Variants in PLCB1 observed in about 807,000 individuals in gnomAD.
PLCB1 encodes 1-phosphatidylinositol 4,5-bisphosphate phosphodiesterase beta-1.
Under a neutral mutation model 161.8 loss-of-function variants are expected in PLCB1, and 46 were observed. That is an observed-to-expected ratio of 0.28 (90% CI 0.22 to 0.36). The LOEUF (loss-of-function observed/expected upper bound fraction) is 0.36, where lower values mean the gene tolerates loss of function less well. Ranked by LOEUF, PLCB1 falls within the 10% of genes least tolerant of loss-of-function variation. The pLI, the probability that PLCB1 is intolerant of heterozygous loss-of-function variation, is 1.00. For synonymous variants in PLCB1, 517 were observed against 503.7 expected, an observed-to-expected ratio of 1.03 and a Z score of -0.35; for missense variants, 1,016 against 1,472.5, an observed-to-expected ratio of 0.69 and a Z score of 5.07.
chr20:8,630,090 T>G (rs532089727), intron 4 of PLCB1, among the ~76,000 whole-genome samples: 3 of 149,308 alleles, frequency 2.0e-5, no homozygotes, highest in African/African-American at 4.9e-5. Flanking sequence ...TTCTTGTTTT[T>G]TTTTTTGATG....
chr20:8,642,743 G>T (rs1195063301), intron 4 of PLCB1, among the ~76,000 whole-genome samples: 1 of 152,186 alleles, frequency 6.6e-6, no homozygotes, highest in Non-Finnish European at 1.5e-5. Flanking sequence ...TTAGGGCAAT[G>T]AAACTACTCT....
chr20:8,709,038 G>T (rs1309806842), intron 12 of PLCB1, among the ~76,000 whole-genome samples: 1 of 152,140 alleles, frequency 6.6e-6, no homozygotes, highest in Non-Finnish European at 1.5e-5. Context: ...CACAATACAT[G>T]TCTCTGTTAT....
At chr20:8,866,613 A>G (rs1987437381) in intron 31 of PLCB1, among the ~76,000 whole-genome samples, 1 of 152,220 alleles carries the variant, frequency 6.6e-6, no homozygotes, top group South Asian at 2.1e-4. Flanking sequence ...TAGTAGAACT[A>G]GTTAGTAGAA....
intron 31 of PLCB1, among the ~76,000 whole-genome samples, chr20:8,842,516 T>C (rs1424780895): frequency 2.0e-5 from 3 of 152,160 alleles, no homozygotes; most frequent in African/African-American, 4.8e-5. Flanking sequence ...ATAGACTTGA[T>C]AGTGTAGCAG....
intron 3 of PLCB1, among the ~76,000 whole-genome samples, chr20:8,523,468 C>CTT (rs1984435867): frequency 2.5e-4 from 14 of 55,358 alleles, no homozygotes; most frequent in Non-Finnish European, 3.3e-5. Context: ...ATATTTGGCT[C>CTT]TCTCTCTCTC....
chr20:8,618,936 TATAAATAAAA>T (rs1264600740), intron 3 of PLCB1, among the ~76,000 whole-genome samples: 2 of 152,198 alleles, frequency 1.3e-5, no homozygotes, highest in Non-Finnish European at 2.9e-5. Context: ...ACAAAAGGTA[TATAAATAAAA>T]CAAAGGAAAT....
chr20:8,648,972 G>A (rs1338412064), intron 6 of PLCB1, among the ~76,000 whole-genome samples: 1 of 150,268 alleles, frequency 6.7e-6, no homozygotes, highest in East Asian at 1.9e-4. Context: ...AGAAAGAAAA[G>A]AAAAGAAATT....
chr20:8,507,525 G>A (rs1263969657), intron 3 of PLCB1, among the ~76,000 whole-genome samples: 3 of 152,134 alleles, frequency 2.0e-5, no homozygotes, highest in African/African-American at 7.2e-5. Flanking sequence ...TTAGGACGGT[G>A]AACATTTTAA....
At chr20:8,179,940 G>T (rs1373126141) in intron 2 of PLCB1, among the ~76,000 whole-genome samples, 1 of 129,020 alleles carries the variant, frequency 7.8e-6, no homozygotes, top group Non-Finnish European at 1.6e-5. Context: ...CTCACTGCAA[G>T]CTCCGCCTCC....
chr20:8,822,831 A>G (rs1359546478), intron 31 of PLCB1, among the ~76,000 whole-genome samples: 2 of 152,154 alleles, frequency 1.3e-5, no homozygotes, highest in African/African-American at 4.8e-5. Flanking sequence ...AGTAGAAGAG[A>G]ACAGAGATAT....
At chr20:8,335,822 C>A (rs1985553382) in intron 2 of PLCB1, among the ~76,000 whole-genome samples, 1 of 152,184 alleles carries the variant, frequency 6.6e-6, no homozygotes, top group African/African-American at 2.4e-5. Context: ...TTAGGAACTT[C>A]TTTTTTCTAT....
intron 2 of PLCB1, among the ~76,000 whole-genome samples, chr20:8,331,129 G>C (rs1985349730): frequency 6.6e-6 from 1 of 152,172 alleles, no homozygotes; most frequent in Admixed American, 6.5e-5. Context: ...AAAACAAATA[G>C]ACAAAGGTCA....
At chr20:8,857,348 T>A (rs927854390) in intron 31 of PLCB1, among the ~76,000 whole-genome samples, 4 of 152,208 alleles carry the variant, frequency 2.6e-5, no homozygotes, top group Non-Finnish European at 5.9e-5. Flanking sequence ...ATGAAAAAAA[T>A]TTAAATAAAG....
At chr20:8,172,321 G>T (rs1228501645) in intron 2 of PLCB1, among the ~76,000 whole-genome samples, 6 of 152,172 alleles carry the variant, frequency 3.9e-5, no homozygotes, top group African/African-American at 1.4e-4. Context: ...GCTGATCTTT[G>T]AGCAGAGATT....
intron 2 of PLCB1, among the ~76,000 whole-genome samples, chr20:8,262,612 T>TC (rs1471906195): frequency 3.9e-5 from 6 of 152,312 alleles, no homozygotes; most frequent in African/African-American, 1.4e-4. Context: ...ATACCCAGCT[T>TC]CATTATCTGA....
At chr20:8,416,929 T>TAC (rs56097941) in intron 3 of PLCB1, among the ~76,000 whole-genome samples, 19,057 of 126,254 alleles carry the variant, frequency 0.15, 1,769 homozygotes, top group Non-Finnish European at 0.22. Context: ...AGAGACAGAA[T>TAC]ACACACACAC....
At chr20:8,339,709 A>G (rs538790130) in intron 2 of PLCB1, among the ~76,000 whole-genome samples, 1 of 152,344 alleles carries the variant, frequency 6.6e-6, no homozygotes, top group Admixed American at 6.5e-5. Flanking sequence ...CTTCATAGTC[A>G]TGAGCTGTCT....
At chr20:8,776,568 A>G (rs2146206065) in intron 27 of PLCB1, among the ~76,000 whole-genome samples, 1 of 152,270 alleles carries the variant, frequency 6.6e-6, no homozygotes, top group Admixed American at 6.5e-5. Flanking sequence ...GTGCAGTTCA[A>G]TGGTTTTTGT....
At chr20:8,775,462 G>A (rs185953722) in intron 27 of PLCB1, among the ~76,000 whole-genome samples, 13 of 152,256 alleles carry the variant, frequency 8.5e-5, no homozygotes, top group Admixed American at 6.5e-4. Context: ...GAAGAAATGG[G>A]TTTTAAGAGA....
Sources: allele counts gnomAD v4.1 joint callset (sites outside exome capture counted in the v4.1 genomes callset), GRCh38; gene constraint gnomAD v4.1.1; transcripts MANE v1.5; gene names NCBI Gene and HGNC (gene_info 2026-07-23, HGNC 2026-07-21).